Variants in POC1B observed in about 807,000 individuals in gnomAD.
POC1B encodes POC1 centriolar protein homolog B.
In POC1B, 44 loss-of-function variants were observed where a neutral mutation model predicts 60.6. The ratio of observed to expected loss-of-function variants is 0.73; its 90% CI spans 0.57 to 0.93. The LOEUF is 0.93. POC1B is among the 40% of genes least tolerant of loss of function. POC1B has a pLI of 0.00. For synonymous variants in POC1B, 180 were observed against 198.9 expected, an observed-to-expected ratio of 0.90 and a Z score of 0.80; for missense variants, 555 against 572.3, an observed-to-expected ratio of 0.97 and a Z score of 0.31.
At chr12:89,422,879 G>T (rs1384224342) in intron 11 of POC1B, among the ~76,000 whole-genome samples, 1 of 152,152 alleles carries the variant, frequency 6.6e-6, no homozygotes, top group African/African-American at 2.4e-5. Context: ...AATTTTTAAA[G>T]ATATTATTTA....
chr12:89,450,475 G>C (rs183449869), intron 10 of POC1B, among the ~76,000 whole-genome samples: 1 of 152,152 alleles, frequency 6.6e-6, no homozygotes, highest in African/African-American at 2.4e-5. Context: ...CAAAGTGTTG[G>C]GATTACAGGT....
chr12:89,485,810 C>T (rs1299067134), intron 4 of POC1B, among the ~76,000 whole-genome samples: 2 of 152,314 alleles, frequency 1.3e-5, no homozygotes, highest in East Asian at 3.9e-4. Flanking sequence ...TAAACCTAAG[C>T]CTACTCACCA....
At chr12:89,441,946 G>A (rs896620040) in intron 10 of POC1B, among the ~76,000 whole-genome samples, 9 of 152,158 alleles carry the variant, frequency 5.9e-5, no homozygotes, top group African/African-American at 1.2e-4. Flanking sequence ...ACCACGGCAC[G>A]AGAACCATGT....
chr12:89,508,196 C>G (rs533043896), intron 2 of POC1B, among the ~76,000 whole-genome samples: 81 of 152,336 alleles, frequency 5.3e-4, no homozygotes, highest in African/African-American at 1.9e-3. Context: ...TTTTGCCTCT[C>G]TATCTTGCTT....
chr12:89,479,501 C>T (rs1487258628), intron 4 of POC1B, among the ~76,000 whole-genome samples: 4 of 152,074 alleles, frequency 2.6e-5, no homozygotes, highest in African/African-American at 9.7e-5. Flanking sequence ...AAAGACTATA[C>T]TATTTACATT....
intron 4 of POC1B, among the ~76,000 whole-genome samples, chr12:89,478,879 A>T (rs1457569928): frequency 2.0e-5 from 3 of 152,244 alleles, no homozygotes; most frequent in Non-Finnish European, 4.4e-5. Flanking sequence ...GTTCTCTACT[A>T]CATTAACTTC....
At chr12:89,522,134 C>T (rs1870937275) in intron 2 of POC1B, 2 of 398,920 alleles carry the variant, frequency 5.0e-6, no homozygotes, top group East Asian at 7.1e-5. Context: ...TCAGTGAAGT[C>T]CAATAGCTCA....
intron 2 of POC1B, among the ~76,000 whole-genome samples, chr12:89,503,504 G>A (rs1869707920): frequency 6.6e-6 from 1 of 152,192 alleles, no homozygotes; most frequent in Non-Finnish European, 1.5e-5. Flanking sequence ...GCCTCCCAAA[G>A]TGCCAAGACT....
chr12:89,496,045 G>A (rs1360002740), intron 3 of POC1B, among the ~76,000 whole-genome samples: 1 of 152,106 alleles, frequency 6.6e-6, no homozygotes, highest in Non-Finnish European at 1.5e-5. Context: ...ACAGGCGTGA[G>A]CCACTGTGCC....
intron 4 of POC1B, among the ~76,000 whole-genome samples, chr12:89,474,554 C>T (rs1883033496): frequency 6.6e-6 from 1 of 152,082 alleles, no homozygotes. Flanking sequence ...TCAGCATAAC[C>T]CAGTAAAACA....
In POC1B at chr12:89,476,759, T is replaced by TAGACAGACAGATAGATAGACAGACAGAC. The variant is rs1883136947; in HGVS notation, c.453-4485_453-4484insGTCTGTCTGTCTATCTATCTGTCTGTCT. Among the ~76,000 whole-genome samples, 19 of 58,580 alleles carry TAGACAGACAGATAGATAGACAGACAGAC rather than the reference T, an allele frequency of 3.2e-4. 1 individual carries two copies. The highest frequency in any genetic ancestry group is 9.4e-4 in the African/African-American group (18 of 19,070). 38.4% of individuals were successfully genotyped at this position (58,580 alleles called of 152,430 possible). ...ATAGATAGATAGATAGATAGATAGATAGACAGACAGACAGACAGACACTTT... is the reference window on the plus strand; with the variant it reads ...ATAGATAGATAGATAGATAGATAGATAGACAGACAGATAGATAGACAGACAGACAGACAGACAGACAGACAGACACTTT... On this transcript the variant is annotated intron_variant, in intron 4 of 11. Transcript: ENST00000313546.
At chr12:89,426,825 A>G (rs1006260285) in intron 10 of POC1B, 2 of 147,576 alleles carry the variant, frequency 1.4e-5, no homozygotes, top group African/African-American at 4.9e-5. Context: ...CCATGTTTCA[A>G]AAAAAAAAAA....
intron 7 of POC1B, 103 bp downstream of exon 7, chr12:89,470,258 T>C (rs1395392855): frequency 7.6e-5 from 51 of 672,110 alleles, no homozygotes; most frequent in Non-Finnish European, 9.3e-5. Context: ...ATGTGTGCTA[T>C]GTCTGGAAAA....
chr12:89,494,824 C>G (rs1485739340), intron 3 of POC1B, among the ~76,000 whole-genome samples: 2 of 152,174 alleles, frequency 1.3e-5, no homozygotes, highest in African/African-American at 4.8e-5. Context: ...CACCAAGGCC[C>G]CAGGCATACG....
chr12:89,408,882 G>A, the POC1B span, among the ~76,000 whole-genome samples: 6 of 152,196 alleles, frequency 3.9e-5, no homozygotes, highest in Non-Finnish European at 5.9e-5. Context: ...CAGTGATGAT[G>A]AGCTTTTTTT....
intron 10 of POC1B, among the ~76,000 whole-genome samples, chr12:89,443,592 A>T (rs1384865625): frequency 6.6e-6 from 1 of 151,338 alleles, no homozygotes; most frequent in Non-Finnish European, 1.5e-5. Context: ...TCTCTGGGAC[A>T]CATTCAAAGC....
At chr12:89,479,671 G>A (rs569013433) in intron 4 of POC1B, among the ~76,000 whole-genome samples, 1 of 151,256 alleles carries the variant, frequency 6.6e-6, no homozygotes, top group South Asian at 2.1e-4. Context: ...AATAAGCTTG[G>A]GCTCCAAGAA....
intron 4 of POC1B, among the ~76,000 whole-genome samples, chr12:89,491,037 G>A (rs1868938739): frequency 6.6e-6 from 1 of 151,814 alleles, no homozygotes; most frequent in Non-Finnish European, 1.5e-5. Flanking sequence ...AAGAGAGGAG[G>A]GCACTACACT....
rs531929697 is a variant in POC1B at position 89,471,523 on chromosome 12, G to C, written c.676+91C>G. 60 of 1,040,784 alleles carry C rather than the reference G, an allele frequency of 5.8e-5. 1 individual carries two copies. The Middle Eastern group carries it at 1.9e-3, about 33-fold the overall frequency. The allele number at this position is 1,040,784 out of a possible 1,614,324, so 64.5% of individuals were successfully genotyped here. On this transcript the variant is annotated intron_variant, in intron 6 of 11. Transcript: ENST00000313546. The stretch of plus-strand genomic sequence containing the variant: ...GTTCCAAGGCAGCCCATGACCCCAA[G>C]TAAGACAGCCAAACCACACCAACAA...
Sources: gnomAD v4.1 joint callset for allele counts (sites outside exome capture counted in the v4.1 genomes callset) on GRCh38, gnomAD v4.1.1 for gene constraint, MANE v1.5 for transcripts, NCBI Gene and HGNC (gene_info 2026-07-23, HGNC 2026-07-21) for gene names.